Variants in ROBO2 observed in about 807,000 individuals in gnomAD.
ROBO2 encodes the protein roundabout homolog 2.
In ROBO2, 53 loss-of-function variants were observed where a neutral mutation model predicts 160.8. The observed-to-expected ratio is 0.33, with a 90% CI of 0.26 to 0.41. The LOEUF is 0.41. ROBO2 is among the 10% of genes least tolerant of loss of function. The pLI, the probability that ROBO2 is intolerant of heterozygous loss-of-function variation, is 1.00. For synonymous variants in ROBO2, 664 were observed against 611.7 expected, an observed-to-expected ratio of 1.09 and a Z score of -1.26; for missense variants, 1,577 against 1,722.4, an observed-to-expected ratio of 0.92 and a Z score of 1.49.
intron 19 of ROBO2, among the ~76,000 whole-genome samples, chr3:77,600,560 A>G (rs1010971516): frequency 1.3e-5 from 2 of 152,320 alleles, no homozygotes; most frequent in Admixed American, 1.3e-4. Context: ...TGCAATCCAC[A>G]TCTAAAGCTT....
At chr3:77,051,703 A>G (rs2065243094) in intron 1 of ROBO2, among the ~76,000 whole-genome samples, 1 of 152,222 alleles carries the variant, frequency 6.6e-6, no homozygotes, top group Non-Finnish European at 1.5e-5. Flanking sequence ...ATTCAATTCT[A>G]AGCTTTCCAA....
chr3:76,735,591 A>G (rs1576319364), intron 2 of ROBO2, among the ~76,000 whole-genome samples: 1 of 151,802 alleles, frequency 6.6e-6, no homozygotes, highest in East Asian at 2.0e-4. Flanking sequence ...GTGAAACCCC[A>G]TCTCTACTAA....
At chr3:77,187,235 A>G (rs1247441563) in intron 2 of ROBO2, among the ~76,000 whole-genome samples, 1 of 152,008 alleles carries the variant, frequency 6.6e-6, no homozygotes. Context: ...AAGCTAACTT[A>G]TCTATCTAGA....
intron 2 of ROBO2, among the ~76,000 whole-genome samples, chr3:76,708,514 TA>T (rs1353208340): frequency 1.3e-5 from 2 of 152,146 alleles, no homozygotes; most frequent in African/African-American, 4.8e-5. Flanking sequence ...AAACTTCAAG[TA>T]AAAACAACAA....
chr3:77,005,030 TG>T (rs1256828481), intron 2 of ROBO2, among the ~76,000 whole-genome samples: 1 of 137,852 alleles, frequency 7.3e-6, no homozygotes, highest in African/African-American at 2.7e-5. Flanking sequence ...GCTTCGGGGC[TG>T]CTAAAAGCCT....
chr3:77,219,367 A>G (rs1254838641), intron 2 of ROBO2, among the ~76,000 whole-genome samples: 1 of 149,670 alleles, frequency 6.7e-6, no homozygotes, highest in African/African-American at 2.5e-5. Context: ...GATTATAACC[A>G]AACTTATTAA....
intron 20 of ROBO2, 116 bp downstream of exon 21, chr3:77,602,607 A>T: frequency 8.1e-7 from 1 of 1,238,026 alleles, no homozygotes; most frequent in South Asian, 1.2e-5. Context: ...ACCTAAACTA[A>T]AAAAAGATAC....
intron 2 of ROBO2, among the ~76,000 whole-genome samples, chr3:76,578,680 T>C (rs2085466870): frequency 6.6e-6 from 1 of 152,012 alleles, no homozygotes; most frequent in African/African-American, 2.4e-5. Flanking sequence ...TTTCATAGTA[T>C]TGTCTTAGCC....
intron 11 of ROBO2, chr3:77,564,306 G>T: frequency 3.1e-6 from 1 of 325,654 alleles, no homozygotes; most frequent in South Asian, 2.5e-5. Context: ...ATCTGTGGCT[G>T]GCTGTAAATG....
At chr3:76,550,612 G>A (rs2083356892) in intron 2 of ROBO2, among the ~76,000 whole-genome samples, 1 of 152,156 alleles carries the variant, frequency 6.6e-6, no homozygotes, top group Non-Finnish European at 1.5e-5. Flanking sequence ...TCCAGCCACA[G>A]CTCCAGACCC....
chr3:76,120,127 G>A (rs954404653), intron 2 of ROBO2, among the ~76,000 whole-genome samples: 2 of 151,846 alleles, frequency 1.3e-5, no homozygotes, highest in African/African-American at 4.8e-5. Context: ...CTCCTGAGTA[G>A]AGTAGCTGAG....
intron 2 of ROBO2, among the ~76,000 whole-genome samples, chr3:76,328,498 G>A (rs547955809): frequency 2.6e-5 from 4 of 152,154 alleles, no homozygotes; most frequent in East Asian, 1.9e-4. Flanking sequence ...AGGCCGAGGC[G>A]GGCAGATGAC....
intron 2 of ROBO2, among the ~76,000 whole-genome samples, chr3:76,969,205 G>C (rs1030341243): frequency 6.6e-6 from 1 of 152,070 alleles, no homozygotes; most frequent in Non-Finnish European, 1.5e-5. Flanking sequence ...GCAGATTTTA[G>C]AATCAATACA....
chr3:77,210,344 A>T (rs2083966185), intron 2 of ROBO2, among the ~76,000 whole-genome samples: 1 of 152,086 alleles, frequency 6.6e-6, no homozygotes, highest in Admixed American at 6.6e-5. Flanking sequence ...ATATTTTGTA[A>T]TAGTAATTAA....
At chr3:76,075,616 A>T (rs2068622955) in intron 2 of ROBO2, among the ~76,000 whole-genome samples, 1 of 152,224 alleles carries the variant, frequency 6.6e-6, no homozygotes, top group Non-Finnish European at 1.5e-5. Flanking sequence ...TAAACCAGGT[A>T]TCACTCCATT....
chr3:76,318,320 A>G (rs1337311356), intron 2 of ROBO2, among the ~76,000 whole-genome samples: 1 of 152,098 alleles, frequency 6.6e-6, no homozygotes, highest in Non-Finnish European at 1.5e-5. Flanking sequence ...TGTTCTTTAT[A>G]ATGTCAGATT....
intron 2 of ROBO2, among the ~76,000 whole-genome samples, chr3:76,892,406 T>A (rs1289979041): frequency 6.6e-6 from 1 of 152,106 alleles, no homozygotes. Context: ...ATTACCATAA[T>A]CTCAAAATCA....
chr3:77,276,153 T>C (rs935058326), intron 2 of ROBO2, among the ~76,000 whole-genome samples: 1 of 152,076 alleles, frequency 6.6e-6, no homozygotes, highest in African/African-American at 2.4e-5. Context: ...ATTTTCATTG[T>C]ATCCATGCTT....
At chr3:77,349,098 T>C (rs2068014139) in intron 2 of ROBO2, among the ~76,000 whole-genome samples, 1 of 152,162 alleles carries the variant, frequency 6.6e-6, no homozygotes, top group African/African-American at 2.4e-5. Context: ...GGTATTTTTG[T>C]CTGCTTTTTT....
Sources: gnomAD v4.1 joint callset for allele counts (sites outside exome capture counted in the v4.1 genomes callset) on GRCh38, gnomAD v4.1.1 for gene constraint, MANE v1.5 for transcripts, NCBI Gene and HGNC (gene_info 2026-07-23, HGNC 2026-07-21) for gene names.